MYH7B: variants seen among roughly 807,000 people sequenced by gnomAD.
The protein encoded by MYH7B is myosin-7B.
Under a neutral mutation model 234.5 loss-of-function variants are expected in MYH7B, and 205 were observed. The observed-to-expected ratio is 0.87, with a 90% CI of 0.78 to 0.98. MYH7B has a LOEUF of 0.98. Ranked by LOEUF, MYH7B falls within the 50% of genes least tolerant of loss-of-function variation. The pLI, the probability that MYH7B is intolerant of heterozygous loss-of-function variation, is 0.00. For missense variants in MYH7B, 2,652 were observed against 2,633.4 expected (o/e 1.01, Z -0.15); for synonymous variants, 1,193 against 1,105.0 (o/e 1.08, Z -1.58).
At chr20:34,956,324 A>G (rs181058567) in intron 1 of MYH7B, among the ~76,000 whole-genome samples, 3 of 152,178 alleles carry the variant, frequency 2.0e-5, no homozygotes, top group African/African-American at 7.2e-5. Context: ...TTTTCCAGGA[A>G]TGCTGAAGTC....
rs1327727359 is a variant in MYH7B at position 34,975,455 on chromosome 20, T to C, written c.-166T>C. ...GTCTTGAACTCCTGAGCTTAAGTGA[T>C]GTGTCCGCCTGGGCCTCCCAAAGTG... On this transcript the variant is annotated 5_prime_UTR_variant, in exon 3 of 45. The change abolishes an upstream ATG in the 5' untranslated region. Coordinates refer to ENST00000262873, the Ensembl canonical transcript of MYH7B. The C allele has an allele frequency of 2.8e-6, 2 of 704,408 alleles. No homozygotes were observed. Among genetic ancestry groups the C allele is most frequent in the Non-Finnish European group, 5.3e-6 (2 of 376,804 alleles). The allele number at this position is 704,408 out of a possible 1,614,324, so 43.6% of individuals were successfully genotyped here. A position where few individuals can be genotyped will look rare whatever the true frequency, so the allele number is the denominator to read the frequency against.
intron 15 of MYH7B, 77 bp downstream of exon 15, chr20:34,987,066 C>T (rs991917931): frequency 6.2e-6 from 10 of 1,608,478 alleles, no homozygotes; most frequent in Admixed American, 1.7e-5. Context: ...CCCCCAGCTG[C>T]ATGAATGGTC....
chr20:34,996,805 G>A, intron 30 of MYH7B, 47 bp downstream of exon 30: 1 of 1,583,666 alleles, frequency 6.3e-7, no homozygotes, highest in Non-Finnish European at 8.6e-7. Flanking sequence ...GCCTGCACCT[G>A]GCCCTTGTTC....
chr20:34,956,949 G>A (rs904051050), intron 1 of MYH7B, among the ~76,000 whole-genome samples: 2 of 152,226 alleles, frequency 1.3e-5, no homozygotes, highest in African/African-American at 4.8e-5. Flanking sequence ...CAGCTACTCG[G>A]GAGGCTGCGG....
chr20:34,969,731 G>A (rs1368050306), intron 2 of MYH7B, among the ~76,000 whole-genome samples: 1 of 151,888 alleles, frequency 6.6e-6, no homozygotes, highest in Non-Finnish European at 1.5e-5. Context: ...TTTTAGTAGA[G>A]ACAGGGTTTC....
chr20:34,998,261 C>T (rs762625075), intron 32 of MYH7B, 34 bp from the exon 33 acceptor site: 2 of 1,611,556 alleles, frequency 1.2e-6, no homozygotes, highest in Non-Finnish European at 1.7e-6. Context: ...TGACATCTAA[C>T]TCCTGACCCC....
rs1490290322 is a variant in MYH7B at position 34,988,263 on chromosome 20, G to T, written c.1587+1G>T. 1 of 1,610,512 alleles carries T rather than the reference G, an allele frequency of 6.2e-7. No individual in the cohort carries two copies. The highest frequency in any genetic ancestry group is 1.1e-5 in the South Asian group (1 of 90,906). On this transcript the variant is annotated splice_donor_variant, in intron 19 of 44. Transcript: ENST00000262873. LOFTEE classifies it high-confidence loss of function. ...GCCTTGCATCGACCTCATCGAGAAG[G>T]TGGGTGCCGCGGCAAGGTCACTTTG...
At chr20:34,982,607 T>C (rs1433551201) in intron 10 of MYH7B, 52 bp downstream of exon 10, 2 of 1,421,206 alleles carry the variant, frequency 1.4e-6, no homozygotes, top group Non-Finnish European at 9.5e-7. Flanking sequence ...CTGTTTTTCT[T>C]TTCTTTCTTC....
chr20:34,998,577 T>C (rs1167711922), exon 34 of MYH7B: 3 of 1,613,638 alleles, frequency 1.9e-6, no homozygotes, highest in Middle Eastern at 1.6e-4. Flanking sequence ...GGAAAGGCCC[T>C]GGCCGCCCAA....
At chr20:35,001,316 G>A in exon 42 of MYH7B, 1 of 1,612,092 alleles carries the variant, frequency 6.2e-7, no homozygotes, top group Non-Finnish European at 8.5e-7. Context: ...GCGTGCGCAA[G>A]CATGAGCGCC....
At chr20:34,993,274 T>C in intron 25 of MYH7B, 49 bp downstream of exon 25, 1 of 1,613,938 alleles carries the variant, frequency 6.2e-7, no homozygotes, top group Non-Finnish European at 8.5e-7. Flanking sequence ...GCGGTCACAC[T>C]GGGCAGGGTT....
chr20:35,000,642 C>G lies in MYH7B; in HGVS notation c.5131C>G (p.Gln1711Glu), dbSNP rs1569066675. 1.9e-6 allele frequency: 3 copies of G among 1,581,544 alleles called. No individual in the cohort carries two copies. The South Asian group carries it at 3.4e-5, about 18-fold the overall frequency. The change falls in exon 39 of 45, where the codon CAG becomes GAG. Residue 1711 changes from glutamine (Q) to glutamate (E), a missense_variant. By Grantham distance (29) the Gln-to-Glu change is conservative. Transcript: ENST00000262873. The stretch of plus-strand genomic sequence containing the variant: ...CGAGCGCAGCCGGCGACTGGCAGAG[C>G]AGGAGCTTTTGGAGGCCACCGAGCG...
At chr20:34,966,318 A>G (rs1399361661) in intron 2 of MYH7B, among the ~76,000 whole-genome samples, 1 of 152,214 alleles carries the variant, frequency 6.6e-6, no homozygotes, top group Non-Finnish European at 1.5e-5. Flanking sequence ...AGACACAAAC[A>G]TGAAATGAGC....
In MYH7B at chr20:34,999,833, C is replaced by T. The variant is rs1256489219; in HGVS notation, c.4708C>T (p.Leu1570=). ...GGAGACCAAGACGCTGCGGATCCAG[C>T]TGGAGCTCTCCCAGGTCAAAGCAGA... is the stretch of plus-strand genomic sequence containing the variant. The change falls in exon 38 of 45, where the codon CTG becomes TTG. Residue 1570 remains leucine (L), a synonymous_variant. Coordinates refer to ENST00000262873, the Ensembl canonical transcript of MYH7B. The T allele has an allele frequency of 6.4e-7, 1 of 1,563,440 alleles. No homozygotes were observed. The highest frequency in any genetic ancestry group is 2.6e-5 in the East Asian group (1 of 39,064).
intron 16 of MYH7B, 116 bp downstream of exon 16, chr20:34,987,403 C>T (rs1285517954): frequency 6.8e-7 from 1 of 1,478,662 alleles, no homozygotes; most frequent in East Asian, 2.3e-5. Context: ...GCCCTGCCTC[C>T]TCAGCTCCAA....
At chr20:35,001,376 T>C in intron 42 of MYH7B, 27 bp downstream of exon 42, 1 of 1,597,944 alleles carries the variant, frequency 6.3e-7, no homozygotes, top group Non-Finnish European at 8.5e-7. Flanking sequence ...CCCTGGGGAG[T>C]GGCCCTGGAG....
At chr20:34,957,985 A>G (rs2081657918) in intron 1 of MYH7B, among the ~76,000 whole-genome samples, 113 bp from the exon 2 acceptor site, 1 of 152,178 alleles carries the variant, frequency 6.6e-6, no homozygotes, top group African/African-American at 2.4e-5. Context: ...GTTAACTAGA[A>G]TAGGCCCCAG....
At chr20:34,986,164 C>T (rs1447776339) in exon 14 of MYH7B, 3 of 1,599,516 alleles carry the variant, frequency 1.9e-6, no homozygotes, top group Non-Finnish European at 2.6e-6. Context: ...ATGTCTACTA[C>T]CAGATCCTCT....
intron 1 of MYH7B, among the ~76,000 whole-genome samples, chr20:34,956,826 A>G (rs1041217340): frequency 6.6e-6 from 1 of 152,148 alleles, no homozygotes; most frequent in African/African-American, 2.4e-5. Context: ...AGGCCGAGGC[A>G]GGTGGATTAC....
Sources: gnomAD v4.1 joint callset for allele counts (sites outside exome capture counted in the v4.1 genomes callset) on GRCh38, gnomAD v4.1.1 for gene constraint, MANE v1.5 for transcripts, NCBI Gene and HGNC (gene_info 2026-07-23, HGNC 2026-07-21) for gene names.